LY86: variants seen among roughly 807,000 people sequenced by gnomAD.
The protein encoded by LY86 is MD-1, RP105-associated.
Under a neutral mutation model 17.3 loss-of-function variants are expected in LY86, and 20 were observed. That is an observed-to-expected ratio of 1.15 (90% CI 0.81 to 1.68). The LOEUF (loss-of-function observed/expected upper bound fraction) is 1.68. Among genes scored for constraint, LY86 ranks in the 40% most tolerant of loss-of-function variants. The pLI, the probability that LY86 is intolerant of heterozygous loss-of-function variation, is 0.00. For synonymous variants in LY86, 74 were observed against 70.6 expected (o/e 1.05, Z -0.24); for missense variants, 200 against 191.9 (o/e 1.04, Z -0.25).
chr6:6,618,623 T>G (rs1044057870), intron 1 of LY86, among the ~76,000 whole-genome samples: 2 of 152,226 alleles, frequency 1.3e-5, no homozygotes, highest in Admixed American at 1.3e-4. Flanking sequence ...TTATTTTTGT[T>G]GCATTTGATA....
intron 1 of LY86, among the ~76,000 whole-genome samples, chr6:6,605,867 G>A (rs1473680533): frequency 3.3e-5 from 5 of 151,066 alleles, no homozygotes; most frequent in East Asian, 3.9e-4. Context: ...GGCATCTGGA[G>A]CTCTTCGTTT....
chr6:6,605,278 A>C (rs1314676665), intron 1 of LY86, among the ~76,000 whole-genome samples: 1 of 69,084 alleles, frequency 1.4e-5, no homozygotes, highest in Admixed American at 1.7e-4. Flanking sequence ...ACCTCACCTC[A>C]CAGTTTTTTT....
At chr6:6,596,896 AGG>A (rs1760731461) in intron 1 of LY86, among the ~76,000 whole-genome samples, 1 of 152,318 alleles carries the variant, frequency 6.6e-6, no homozygotes, top group South Asian at 2.1e-4. Flanking sequence ...GAACCTAGAG[AGG>A]GAAAAAAGCC....
chr6:6,650,358 A>G (rs1472904388), intron 4 of LY86, among the ~76,000 whole-genome samples: 2 of 142,704 alleles, frequency 1.4e-5, no homozygotes, highest in Non-Finnish European at 1.5e-5. Context: ...TTTTTTTGAG[A>G]GAGTCTTGTT....
In LY86 at chr6:6,654,397, C is replaced by T. The variant is rs1762230259; in HGVS notation, c.406-147C>T. Reference sequence around the variant, plus strand: ...TCTCCCAGAGATGCTGTCAGCTCCACAGGGCAGGGGTTGGCTTGTCTTGTT... The same window carrying T: ...TCTCCCAGAGATGCTGTCAGCTCCATAGGGCAGGGGTTGGCTTGTCTTGTT... On this transcript the variant is annotated intron_variant, in intron 4 of 4. Coordinates refer to ENST00000230568, the MANE Select transcript of LY86 (RefSeq NM_004271.4). 4 of 628,044 alleles carry T rather than the reference C, an allele frequency of 6.4e-6. No individual in the cohort carries two copies. In the East Asian group the frequency reaches 1.1e-4, roughly 18 times the overall value. 38.9% of individuals were successfully genotyped at this position (628,044 alleles called of 1,614,324 possible).
At chr6:6,589,971 A>G (rs1581225892) in intron 1 of LY86, among the ~76,000 whole-genome samples, 1 of 151,860 alleles carries the variant, frequency 6.6e-6, no homozygotes, top group East Asian at 1.9e-4. Context: ...AAAATATAAA[A>G]TTAGCTGGGC....
At chr6:6,613,255 C>T (rs1463321929) in intron 1 of LY86, among the ~76,000 whole-genome samples, 1 of 152,262 alleles carries the variant, frequency 6.6e-6, no homozygotes, top group Non-Finnish European at 1.5e-5. Context: ...GAGCTGCCTG[C>T]CAATCCCGCG....
intron 3 of LY86, among the ~76,000 whole-genome samples, chr6:6,639,403 T>A (rs1167555310): frequency 6.6e-6 from 1 of 152,214 alleles, no homozygotes; most frequent in African/African-American, 2.4e-5. Flanking sequence ...CTGTATTAGC[T>A]TTCTATAGCT....
chr6:6,602,807 C>T (rs772741699), intron 1 of LY86, among the ~76,000 whole-genome samples: 3 of 152,132 alleles, frequency 2.0e-5, no homozygotes, highest in African/African-American at 4.8e-5. Context: ...CTCAGCACTC[C>T]GACTTAACTG....
intron 1 of LY86, chr6:6,622,887 TG>T (rs1384136014): frequency 6.6e-6 from 1 of 152,266 alleles, no homozygotes; most frequent in African/African-American, 2.4e-5. Flanking sequence ...GGTTCTACTT[TG>T]TGAGTTTCAC....
rs1762231061 is a variant in LY86 at position 6,654,458 on chromosome 6, A to C, written c.406-86A>C. 7 of 986,360 alleles carry C rather than the reference A, an allele frequency of 7.1e-6. No homozygotes were observed. In the South Asian group the frequency reaches 8.4e-5, roughly 12 times the overall value. 61.1% of individuals were successfully genotyped at this position (986,360 alleles called of 1,614,324 possible). A position where few individuals can be genotyped will look rare whatever the true frequency, so the allele number is the denominator to read the frequency against. Reference sequence around the variant, plus strand: ...CACAATGTCCAGAACAGCACCCAGCACATAAAAGTTTCTCTGTAAATATTT... The same window carrying C: ...CACAATGTCCAGAACAGCACCCAGCCCATAAAAGTTTCTCTGTAAATATTT... On this transcript the variant is annotated intron_variant, in intron 4 of 4. Coordinates refer to ENST00000230568, the MANE Select transcript of LY86 (RefSeq NM_004271.4).
At chr6:6,625,036 T>C in intron 2 of LY86, 24 bp downstream of exon 2, 1 of 1,151,836 alleles carries the variant, frequency 8.7e-7, no homozygotes, top group Non-Finnish European at 1.3e-6. Flanking sequence ...ATGATTAGCA[T>C]GAAATAAAAC....
At chr6:6,643,855 A>G (rs927977117) in intron 3 of LY86, among the ~76,000 whole-genome samples, 1 of 152,250 alleles carries the variant, frequency 6.6e-6, no homozygotes, top group African/African-American at 2.4e-5. Flanking sequence ...TTATTTGTCA[A>G]TCATTTCTCA....
At chr6:6,620,653 C>G (rs75729000) in intron 1 of LY86, among the ~76,000 whole-genome samples, 1,651 of 152,308 alleles carry the variant, frequency 0.011, 26 homozygotes, top group African/African-American at 0.037. Flanking sequence ...CCACTGCTAG[C>G]TGTTAATAGA....
chr6:6,600,945 G>A (rs558321977), intron 1 of LY86, among the ~76,000 whole-genome samples: 1 of 152,304 alleles, frequency 6.6e-6, no homozygotes, highest in South Asian at 2.1e-4. Flanking sequence ...CAGCTTTTCT[G>A]CCTCACACTT....
Position 6,588,842 on chromosome 6 carries a change from C to T in LY86, c.108C>T (p.Ser36=), listed in dbSNP as rs774808570. The change falls in exon 1 of 5, where the codon AGC becomes AGT. Residue 36 remains serine (S), a synonymous_variant. Coordinates refer to ENST00000230568, the MANE Select transcript of LY86 (RefSeq NM_004271.4). ...AWPTHVVCSD[S]GLEVLYQSCD... is the part of the protein sequence containing the mutation. ...CCACACACGTGGTCTGTAGCGACAG[C>T]GGCTTGGAAGTGCTCTACCAGAGTT... The T allele has an allele frequency of 1.7e-5, 27 of 1,613,932 alleles. No individual in the cohort carries two copies. Among genetic ancestry groups the T allele is most frequent in the African/African-American group, 5.3e-5 (4 of 74,916 alleles).
chr6:6,604,343 T>G (rs1051680818), intron 1 of LY86, among the ~76,000 whole-genome samples: 1 of 151,690 alleles, frequency 6.6e-6, no homozygotes, highest in Non-Finnish European at 1.5e-5. Context: ...CTTCTTTAAT[T>G]AAAAAAACTC....
At chr6:6,596,647 A>G (rs1760722965) in intron 1 of LY86, among the ~76,000 whole-genome samples, 1 of 152,170 alleles carries the variant, frequency 6.6e-6, no homozygotes, top group Non-Finnish European at 1.5e-5. Context: ...AAATTTAAAG[A>G]GAGGAAGTTG....
chr6:6,623,753 T>C (rs1015769974), intron 1 of LY86, among the ~76,000 whole-genome samples: 2 of 152,186 alleles, frequency 1.3e-5, no homozygotes, highest in Non-Finnish European at 2.9e-5. Flanking sequence ...CAGCTATTAG[T>C]ACAAGGTAAA....
Sources: gnomAD v4.1 joint callset for allele counts (sites outside exome capture counted in the v4.1 genomes callset) on GRCh38, gnomAD v4.1.1 for gene constraint, MANE v1.5 for transcripts, NCBI Gene and HGNC (gene_info 2026-07-23, HGNC 2026-07-21) for gene names.